The following PCDHGA1 variants were observed in gnomAD, a reference collection of about 807,000 sequenced individuals.
PCDHGA1 encodes protocadherin gamma-A1.
PCDHGA1 carries 32 observed loss-of-function variants against 58.0 expected under a neutral mutation model. The ratio of observed to expected loss-of-function variants is 0.55; its 90% CI spans 0.42 to 0.74. PCDHGA1 has a LOEUF of 0.74. Among genes scored for constraint, PCDHGA1 ranks in the 30% least tolerant of loss-of-function variants. The pLI is 0.00. For missense variants in PCDHGA1, 1,205 were observed against 1,182.3 expected (o/e 1.02, Z -0.28); for synonymous variants, 498 against 501.1 (o/e 0.99, Z 0.08).
intron 1 of PCDHGA1, 129 bp from the exon 2 acceptor site, chr5:141,494,678 G>T: frequency 1.3e-6 from 2 of 1,554,384 alleles, no homozygotes; most frequent in East Asian, 4.7e-5. Flanking sequence ...GTCCACCCCT[G>T]CCCCCTCTTA....
chr5:141,356,836 G>A, intron 1 of PCDHGA1: 1 of 1,614,160 alleles, frequency 6.2e-7, no homozygotes, highest in Non-Finnish European at 8.5e-7. Context: ...CAGCAGCAAT[G>A]TGTCACTGAG....
chr5:141,439,162 C>T (rs1422780686), intron 1 of PCDHGA1, among the ~76,000 whole-genome samples: 1 of 149,498 alleles, frequency 6.7e-6, no homozygotes, highest in Non-Finnish European at 1.5e-5. Flanking sequence ...CACTGCACTC[C>T]AGCCTGGGCG....
At chr5:141,381,989 C>G (rs1013941230) in intron 1 of PCDHGA1, among the ~76,000 whole-genome samples, 13 of 151,916 alleles carry the variant, frequency 8.6e-5, no homozygotes, top group Admixed American at 7.2e-4. Flanking sequence ...GCCACCACGC[C>G]CGGATAATTT....
Position 141,490,066 on chromosome 5 carries a change from C to G in PCDHGA1, c.2422-4741C>G. ...TGATCCAGACGAGGGCACCAACGGC[C>G]AACTAGACTATTCTTTTGGAGACCA... On this transcript the variant is annotated intron_variant, in intron 1 of 3. Coordinates refer to ENST00000517417, the MANE Select transcript of PCDHGA1 (RefSeq NM_018912.3). The surrounding 1 kb of genome is among the most constrained non-coding windows in gnomAD (Gnocchi z 5.4). The G allele has an allele frequency of 1.2e-6, 2 of 1,614,248 alleles. No individual in the cohort carries two copies. Among genetic ancestry groups the G allele is most frequent in the Non-Finnish European group, 1.7e-6 (2 of 1,180,034 alleles).
intron 1 of PCDHGA1, among the ~76,000 whole-genome samples, chr5:141,461,001 A>C (rs1309762345): frequency 6.7e-6 from 1 of 150,320 alleles, no homozygotes; most frequent in Admixed American, 6.7e-5. Context: ...ATATATGTGT[A>C]TATATATATA....
At chr5:141,335,231 G>A (rs1756556282) in intron 1 of PCDHGA1, among the ~76,000 whole-genome samples, 1 of 151,978 alleles carries the variant, frequency 6.6e-6, no homozygotes, top group African/African-American at 2.4e-5. Context: ...ATATACAAGT[G>A]AGCTACATTT....
rs747437039 is a variant in PCDHGA1 at position 141,413,919 on chromosome 5, G to T, written c.2421+80814G>T. The T allele has an allele frequency of 1.2e-5, 19 of 1,613,284 alleles. 1 individual carries two copies. The highest frequency in any genetic ancestry group is 1.6e-5 in the Non-Finnish European group (19 of 1,179,890). ...ATGACAACGCGCCGGTCTTCACCTT[G>T]CCAGAATACCGAGTGAGTGTTCCTG... On this transcript the variant is annotated intron_variant, in intron 1 of 3. Transcript: ENST00000517417.
intron 1 of PCDHGA1, among the ~76,000 whole-genome samples, chr5:141,451,788 A>C (rs531473040): frequency 6.6e-6 from 1 of 152,140 alleles, no homozygotes; most frequent in African/African-American, 2.4e-5. Flanking sequence ...GGCTGAGGCC[A>C]GAGAATTGCT....
chr5:141,339,994 T>C (rs748393868), intron 1 of PCDHGA1: 11 of 1,613,982 alleles, frequency 6.8e-6, no homozygotes, highest in Non-Finnish European at 8.5e-6. Context: ...TGGATGTGAA[T>C]GACAATGCCC....
At chr5:141,500,086 A>G (rs1456179271) in intron 2 of PCDHGA1, among the ~76,000 whole-genome samples, 1 of 151,682 alleles carries the variant, frequency 6.6e-6, no homozygotes, top group Non-Finnish European at 1.5e-5. Flanking sequence ...TCCATCTTCC[A>G]TTTTTGCAAT....
intron 1 of PCDHGA1, chr5:141,388,656 G>C (rs747453786): frequency 2.5e-5 from 40 of 1,613,886 alleles, no homozygotes; most frequent in Non-Finnish European, 3.4e-5. Context: ...CGTGTACCCG[G>C]GGACCACGGT....
intron 1 of PCDHGA1, chr5:141,352,285 T>C (rs750239833): frequency 1.9e-6 from 3 of 1,613,662 alleles, no homozygotes; most frequent in Non-Finnish European, 2.5e-6. Flanking sequence ...GCGACCGCCC[T>C]GAGCCCTCTG....
chr5:141,396,951 A>G (rs1444720599), intron 1 of PCDHGA1, among the ~76,000 whole-genome samples: 1 of 152,210 alleles, frequency 6.6e-6, no homozygotes, highest in African/African-American at 2.4e-5. Flanking sequence ...TAGGAAAGAA[A>G]ATCCTTACTC....
At position 141,332,499 on chromosome 5, in the gene PCDHGA1, C is replaced by T. The variant is rs899796976; in HGVS notation, c.1815C>T (p.Ser605=). 24 of 1,612,902 alleles carry T rather than the reference C, an allele frequency of 1.5e-5. No homozygotes were observed. The highest frequency in any genetic ancestry group is 2.7e-5 in the African/African-American group (2 of 74,878). The change falls in exon 1 of 4, where the codon TCC becomes TCT. Residue 605 remains serine, a synonymous_variant. Transcript: ENST00000517417. This position sits in a 1 kb window ranked among gnomAD's most constrained non-coding sequence, Gnocchi z 4.6. ...ACTCGGGCCAGAACGCCTGGCTGTCCTACCGCCTGCTCAAGGCCAGCGAGC... is the reference window on the plus strand; with the variant it reads ...ACTCGGGCCAGAACGCCTGGCTGTCTTACCGCCTGCTCAAGGCCAGCGAGC... The part of the protein sequence containing the change: ...DRDSGQNAWL[S]YRLLKASEPG...
At chr5:141,345,151 A>T in intron 1 of PCDHGA1, 1 of 1,613,998 alleles carries the variant, frequency 6.2e-7, no homozygotes, top group Non-Finnish European at 8.5e-7. Flanking sequence ...GACGTGCATG[A>T]CCGAGATTCT....
At chr5:141,366,457 C>A (rs747734622) in intron 1 of PCDHGA1, 11 of 1,614,106 alleles carry the variant, frequency 6.8e-6, no homozygotes, top group Non-Finnish European at 6.8e-6. Flanking sequence ...CCTTCGTCAT[C>A]GTGCTGCTGG....
intron 1 of PCDHGA1, chr5:141,478,583 C>G: frequency 6.3e-7 from 1 of 1,578,146 alleles, no homozygotes; most frequent in Non-Finnish European, 8.6e-7. Context: ...CCTGTTAGTG[C>G]TTTTTTATTC....
chr5:141,417,896 C>G, intron 1 of PCDHGA1: 1 of 1,576,868 alleles, frequency 6.3e-7, no homozygotes, highest in Non-Finnish European at 8.6e-7. Flanking sequence ...CCGGGCCGGC[C>G]CGCGGCAGGT....
At chr5:141,341,204 G>T in intron 1 of PCDHGA1, 1 of 1,614,230 alleles carries the variant, frequency 6.2e-7, no homozygotes, top group Non-Finnish European at 8.5e-7. Context: ...GGGCGTGGAC[G>T]GGGTTCGGGC....
Sources: gnomAD v4.1 joint callset for allele counts (sites outside exome capture counted in the v4.1 genomes callset) on GRCh38, gnomAD v4.1.1 for gene constraint, Gnocchi (gnomAD v3.1) non-coding constraint, MANE v1.5 for transcripts, NCBI Gene and HGNC (gene_info 2026-07-23, HGNC 2026-07-21) for gene names.